Variants in ZNF486 observed in about 807,000 individuals in gnomAD.
The protein encoded by ZNF486 is zinc finger protein 486, also known as KRAB box only protein 2.
A neutral mutation model predicts 12.8 loss-of-function variants in ZNF486; 12 were observed. That is an observed-to-expected ratio of 0.94 (90% CI 0.60 to 1.52). The LOEUF (loss-of-function observed/expected upper bound fraction) is 1.52, where lower values mean the gene tolerates loss of function less well. ZNF486 is among the 40% of genes most tolerant of loss of function. The pLI is 0.00. For synonymous variants in ZNF486, 231 were observed against 184.9 expected (o/e 1.25, Z -2.02); for missense variants, 738 against 545.0 (o/e 1.35, Z -3.53).
chr19:20,172,583 GC>G (rs1278351246), intron 1 of ZNF486, among the ~76,000 whole-genome samples: 1 of 151,918 alleles, frequency 6.6e-6, no homozygotes, highest in Non-Finnish European at 1.5e-5. Context: ...ACATGCATGA[GC>G]CACCATGCCC....
chr19:20,174,913 G>T (rs1199501934), intron 1 of ZNF486: 1 of 152,186 alleles, frequency 6.6e-6, no homozygotes, highest in Admixed American at 6.5e-5. Flanking sequence ...ATAAAGACAT[G>T]TGATGTGGCC....
chr19:20,179,215 G>A (rs112407825), intron 1 of ZNF486, among the ~76,000 whole-genome samples: 15 of 152,246 alleles, frequency 9.9e-5, no homozygotes, highest in Admixed American at 2.6e-4. Flanking sequence ...TTAAACTAAT[G>A]ATGCCACATT....
intron 3 of ZNF486, among the ~76,000 whole-genome samples, chr19:20,192,319 A>G (rs2122676540): frequency 6.6e-6 from 1 of 152,048 alleles, no homozygotes; most frequent in Middle Eastern, 3.4e-3. Flanking sequence ...TTATTTATGT[A>G]TTTATTTTGA....
chr19:20,175,356 T>G (rs1446863095), intron 1 of ZNF486: 4 of 142,630 alleles, frequency 2.8e-5, no homozygotes, highest in African/African-American at 8.0e-5. Context: ...TTTTTATTGA[T>G]CATTCTTGGG....
In ZNF486 at chr19:20,186,058, C is replaced by T. The variant is rs782621843; in HGVS notation, c.229C>T (p.His77Tyr). 3.8e-6 allele frequency: 6 copies of T among 1,593,670 alleles called. No homozygotes were observed. The highest frequency in any genetic ancestry group is 1.4e-5 in the African/African-American group (1 of 73,594). The change falls in exon 3 of 4, where the codon CAT becomes TAT. Residue 77 changes from histidine (H) to tyrosine (Y), a missense_variant. Coordinates refer to ENST00000335117, the MANE Select transcript of ZNF486 (RefSeq NM_052852.4). ...QGIKPLTMKR[H>Y]EMIAKPPVVC... is the part of the protein sequence containing the mutation. The stretch of plus-strand genomic sequence containing the variant: ...AATAAAACCTCTGACTATGAAGAGA[C>T]ATGAGATGATTGCCAAACCCCCAGG...
intron 3 of ZNF486, among the ~76,000 whole-genome samples, chr19:20,191,851 C>T (rs559036225): frequency 9.2e-5 from 14 of 152,158 alleles, no homozygotes; most frequent in South Asian, 2.1e-4. Flanking sequence ...TATAATGTTG[C>T]GTAAGTTGTC....
At chr19:20,182,845 T>C (rs1351888789) in intron 1 of ZNF486, among the ~76,000 whole-genome samples, 1 of 152,136 alleles carries the variant, frequency 6.6e-6, no homozygotes, top group Non-Finnish European at 1.5e-5. Context: ...GTTCTCAAGA[T>C]GCAGGTGTAA....
At chr19:20,194,274 C>T (rs145474097) in intron 3 of ZNF486, among the ~76,000 whole-genome samples, 4 of 152,096 alleles carry the variant, frequency 2.6e-5, no homozygotes, top group Non-Finnish European at 5.9e-5. Flanking sequence ...GTATGCAGTG[C>T]CAATATACTT....
At chr19:20,191,480 A>G (rs1249459061) in intron 3 of ZNF486, among the ~76,000 whole-genome samples, 1 of 143,558 alleles carries the variant, frequency 7.0e-6, no homozygotes, top group African/African-American at 2.7e-5. Flanking sequence ...AAAAAAAATT[A>G]TGCACTCGGC....
chr19:20,180,326 C>A (rs1247421764), intron 1 of ZNF486, among the ~76,000 whole-genome samples: 1 of 151,790 alleles, frequency 6.6e-6, no homozygotes, highest in Non-Finnish European at 1.5e-5. Flanking sequence ...ATCTGGAGAC[C>A]CAAATAGATA....
In ZNF486 at chr19:20,168,340, CAG is replaced by C. The variant is rs574379713; in HGVS notation, c.30+983_30+984del. The stretch of plus-strand genomic sequence containing the variant: ...CGCCATCGTACTTAAGTGTGCGTGA[CAG>C]AGCAAGACTCCTTCACACACACAAA... On this transcript the variant is annotated intron_variant, in intron 1 of 3. Transcript: ENST00000335117. 6.0e-3 allele frequency among the ~76,000 whole-genome samples: 909 copies of C among 151,830 alleles called. 5 individuals carry two copies. The highest frequency in any genetic ancestry group is 0.021 in the African/African-American group (849 of 41,376).
chr19:20,171,058 A>T (rs547232466), intron 1 of ZNF486, among the ~76,000 whole-genome samples: 1 of 152,186 alleles, frequency 6.6e-6, no homozygotes, highest in East Asian at 1.9e-4. Context: ...CCGAGGGTCT[A>T]TGCTGACTTT....
intron 1 of ZNF486, among the ~76,000 whole-genome samples, chr19:20,182,985 T>C (rs1258356976): frequency 6.6e-6 from 1 of 152,022 alleles, no homozygotes; most frequent in Non-Finnish European, 1.5e-5. Flanking sequence ...CCCCCATGAG[T>C]TTAGTACTCA....
intron 3 of ZNF486, among the ~76,000 whole-genome samples, chr19:20,194,525 G>C (rs1260550071): frequency 1.3e-5 from 2 of 152,198 alleles, no homozygotes; most frequent in Non-Finnish European, 2.9e-5. Context: ...TCAGAAGTTT[G>C]AGACCAGCCA....
intron 3 of ZNF486, among the ~76,000 whole-genome samples, chr19:20,189,972 T>C (rs964709307): frequency 6.6e-6 from 1 of 152,184 alleles, no homozygotes; most frequent in Non-Finnish European, 1.5e-5. Flanking sequence ...GTTTAAAATA[T>C]ATTTTTGTAT....
At chr19:20,177,262 C>T (rs1477719587) in intron 1 of ZNF486, among the ~76,000 whole-genome samples, 3 of 152,228 alleles carry the variant, frequency 2.0e-5, no homozygotes, top group Admixed American at 2.0e-4. Context: ...TAAACTGTAA[C>T]TAGCCAAAAT....
At chr19:20,169,641 C>T (rs1599691586) in intron 1 of ZNF486, among the ~76,000 whole-genome samples, 1 of 151,878 alleles carries the variant, frequency 6.6e-6, no homozygotes, top group Admixed American at 6.6e-5. Context: ...AAGATAAAAA[C>T]GTCAGATTTA....
intron 1 of ZNF486, among the ~76,000 whole-genome samples, chr19:20,183,258 G>A (rs781982223): frequency 6.6e-6 from 1 of 152,114 alleles, no homozygotes; most frequent in Middle Eastern, 3.2e-3. Context: ...GGAAAATTGT[G>A]GTCCTTAGTA....
chr19:20,181,418 A>C (rs921075511), intron 1 of ZNF486, among the ~76,000 whole-genome samples: 1 of 152,034 alleles, frequency 6.6e-6, no homozygotes, highest in Admixed American at 6.6e-5. Flanking sequence ...GGGCGCCTGT[A>C]GTCCCAGCTA....
Sources: gnomAD v4.1 joint callset for allele counts (sites outside exome capture counted in the v4.1 genomes callset) on GRCh38, gnomAD v4.1.1 for gene constraint, MANE v1.5 for transcripts, NCBI Gene and HGNC (gene_info 2026-07-23, HGNC 2026-07-21) for gene names.